IQCM: variants seen among roughly 807,000 people sequenced by gnomAD.
IQCM encodes IQ domain-containing protein M.
A neutral mutation model predicts 57.6 loss-of-function variants in IQCM; 45 were observed. That is an observed-to-expected ratio of 0.78 (90% confidence interval 0.62 to 1.00). IQCM has a LOEUF of 1.00. Among genes scored for constraint, IQCM ranks in the 50% least tolerant of loss-of-function variants. The pLI, the probability that IQCM is intolerant of heterozygous loss-of-function variation, is 0.00. For synonymous variants in IQCM, 148 were observed against 158.9 expected (o/e 0.93, Z 0.51); for missense variants, 468 against 511.6 (o/e 0.91, Z 0.82).
intron 13 of IQCM, among the ~76,000 whole-genome samples, chr4:149,410,013 G>A (rs893354865): frequency 1.3e-5 from 2 of 152,074 alleles, no homozygotes; most frequent in Admixed American, 6.6e-5. Flanking sequence ...GTGAAACCCC[G>A]TCTCTACTGA....
chr4:149,622,705 G>C (rs1579740922), intron 7 of IQCM, among the ~76,000 whole-genome samples: 1 of 152,114 alleles, frequency 6.6e-6, no homozygotes, highest in African/African-American at 2.4e-5. Context: ...GTAAGACCAA[G>C]GGAGTATAAA....
chr4:149,675,930 A>G (rs1265161525), intron 7 of IQCM, among the ~76,000 whole-genome samples: 2 of 152,040 alleles, frequency 1.3e-5, no homozygotes, highest in Non-Finnish European at 2.9e-5. Flanking sequence ...GATGAAACTA[A>G]GCCCAGAGCT....
intron 7 of IQCM, among the ~76,000 whole-genome samples, chr4:149,623,718 G>GGTGTGTGTGTGTGTGT (rs3057342): frequency 6.8e-6 from 1 of 145,998 alleles, no homozygotes; most frequent in South Asian, 2.2e-4. Flanking sequence ...CTGAATCCCA[G>GGTGTGTGTGTGTGTGT]GTGTGTGTGT....
chr4:149,681,020 G>C (rs781582004), intron 7 of IQCM, among the ~76,000 whole-genome samples: 24 of 151,292 alleles, frequency 1.6e-4, no homozygotes, highest in Non-Finnish European at 3.1e-4. Context: ...CATGTGAGGT[G>C]AATGATACTT....
At chr4:149,648,872 A>T (rs1322216183) in intron 7 of IQCM, among the ~76,000 whole-genome samples, 1 of 152,182 alleles carries the variant, frequency 6.6e-6, no homozygotes, top group East Asian at 1.9e-4. Context: ...CGTTGTGCAC[A>T]TGTACCCTAA....
At chr4:149,374,390 G>C (rs1730569622) in intron 13 of IQCM, among the ~76,000 whole-genome samples, 2 of 152,058 alleles carry the variant, frequency 1.3e-5, no homozygotes, top group Admixed American at 1.3e-4. Flanking sequence ...TGTAGCTAAT[G>C]CTTTTCAGAC....
chr4:149,420,402 T>C (rs973224969), intron 13 of IQCM, among the ~76,000 whole-genome samples: 2 of 152,012 alleles, frequency 1.3e-5, no homozygotes, highest in African/African-American at 4.8e-5. Flanking sequence ...TTACATGTTC[T>C]CCCTTATAAG....
At chr4:149,370,522 T>TAC (rs1034689419) in intron 13 of IQCM, among the ~76,000 whole-genome samples, 4 of 151,638 alleles carry the variant, frequency 2.6e-5, no homozygotes, top group African/African-American at 7.3e-5. Flanking sequence ...TATATATATA[T>TAC]ACACACACAC....
intron 12 of IQCM, among the ~76,000 whole-genome samples, chr4:149,521,290 A>C (rs1262852434): frequency 1.3e-5 from 2 of 152,168 alleles, no homozygotes; most frequent in Non-Finnish European, 2.9e-5. Context: ...AAAGAAAGGA[A>C]AAAAGGAAGG....
intron 12 of IQCM, among the ~76,000 whole-genome samples, chr4:149,468,317 C>T (rs892724477): frequency 3.3e-5 from 5 of 152,184 alleles, no homozygotes; most frequent in African/African-American, 9.7e-5. Flanking sequence ...AATGGCACAC[C>T]AGGAGATTAT....
intron 7 of IQCM, among the ~76,000 whole-genome samples, chr4:149,630,460 G>A (rs1167703943): frequency 6.6e-6 from 1 of 152,136 alleles, no homozygotes; most frequent in Non-Finnish European, 1.5e-5. Context: ...AGAGGTCCTG[G>A]GGAAAAGTGG....
chr4:149,795,611 C>T (rs1263403810), intron 2 of IQCM, among the ~76,000 whole-genome samples: 1 of 152,172 alleles, frequency 6.6e-6, no homozygotes, highest in East Asian at 1.9e-4. Flanking sequence ...TAAGTGCTGG[C>T]ATCTCCTCAC....
intron 12 of IQCM, among the ~76,000 whole-genome samples, chr4:149,459,142 G>A (rs1738009525): frequency 6.6e-6 from 1 of 152,106 alleles, no homozygotes; most frequent in African/African-American, 2.4e-5. Context: ...AAAAGGTTAT[G>A]GTATGATCAC....
At chr4:149,567,103 C>T (rs1027922239) in intron 9 of IQCM, among the ~76,000 whole-genome samples, 1 of 152,080 alleles carries the variant, frequency 6.6e-6, no homozygotes, top group African/African-American at 2.4e-5. Flanking sequence ...TATATTTTGC[C>T]CAAATATCAA....
intron 2 of IQCM, among the ~76,000 whole-genome samples, chr4:149,764,396 C>T (rs1769836108): frequency 6.6e-6 from 1 of 152,132 alleles, no homozygotes; most frequent in South Asian, 2.1e-4. Flanking sequence ...CTTCTGAGAG[C>T]AGCTACAAGA....
At chr4:149,479,034 T>G (rs1740504303) in intron 12 of IQCM, among the ~76,000 whole-genome samples, 1 of 152,084 alleles carries the variant, frequency 6.6e-6, no homozygotes, top group Non-Finnish European at 1.5e-5. Flanking sequence ...GAATAAAAAC[T>G]TTTGACAGAA....
intron 5 of IQCM, among the ~76,000 whole-genome samples, chr4:149,713,799 C>T (rs1193593652): frequency 6.6e-6 from 1 of 152,112 alleles, no homozygotes; most frequent in African/African-American, 2.4e-5. Flanking sequence ...CTCTCATCCA[C>T]TCTCATCTTC....
At chr4:149,595,816 C>T (rs1468329816) in intron 8 of IQCM, among the ~76,000 whole-genome samples, 1 of 152,098 alleles carries the variant, frequency 6.6e-6, no homozygotes, top group African/African-American at 2.4e-5. Context: ...GGGAGTTATG[C>T]AAAATCTTCT....
chr4:149,394,050 T>C (rs1732050303), intron 13 of IQCM, among the ~76,000 whole-genome samples: 1 of 152,024 alleles, frequency 6.6e-6, no homozygotes, highest in African/African-American at 2.4e-5. Flanking sequence ...TTCATTGTGT[T>C]CTCATAGTCA....
Sources: allele counts gnomAD v4.1 joint callset (sites outside exome capture counted in the v4.1 genomes callset), GRCh38; gene constraint gnomAD v4.1.1; transcripts MANE v1.5; gene names NCBI Gene and HGNC (gene_info 2026-07-23, HGNC 2026-07-21).